Variants in PPEF1 observed in about 807,000 individuals in gnomAD.
PPEF1 encodes protein phosphatase with EF-hand domain 1, also known as serine/threonine-protein phosphatase with EF-hands 1.
PPEF1 carries 12 observed loss-of-function variants against 53.3 expected under a neutral mutation model. The observed-to-expected ratio is 0.23, with a 90% CI of 0.14 to 0.36. The LOEUF is 0.36. Among genes scored for constraint, PPEF1 ranks in the 10% least tolerant of loss-of-function variants. The pLI, the probability that PPEF1 is intolerant of heterozygous loss-of-function variation, is 1.00. For missense variants in PPEF1, 334 were observed against 490.4 expected, an observed-to-expected ratio of 0.68 and a Z score of 3.01; for synonymous variants, 165 against 176.7, an observed-to-expected ratio of 0.93 and a Z score of 0.52.
upstream of PPEF1, among the ~76,000 whole-genome samples, chrX:18,682,684 G>A (rs896705885): frequency 4.5e-5 from 5 of 111,957 alleles, no homozygotes; most frequent in East Asian, 1.4e-3. Context: ...GCAATGGAAA[G>A]AGTCCTAATG....
intron 12 of PPEF1, among the ~76,000 whole-genome samples, chrX:18,814,054 C>T (rs1240659110): frequency 1.8e-5 from 2 of 110,923 alleles, no homozygotes; most frequent in Admixed American, 1.9e-4. Context: ...TCCATGTGTA[C>T]CCAATGGTGA....
At chrX:18,755,841 T>G (rs113852759) in intron 4 of PPEF1, among the ~76,000 whole-genome samples, 1 of 111,480 alleles carries the variant, frequency 9.0e-6, no homozygotes, top group African/African-American at 3.3e-5. Context: ...TTGCTTGGCA[T>G]GTTTCCAGAG....
At chrX:18,773,803 A>C (rs1335169393) in intron 6 of PPEF1, among the ~76,000 whole-genome samples, 3 of 111,471 alleles carry the variant, frequency 2.7e-5, no homozygotes, top group African/African-American at 9.8e-5. Context: ...AACTGTTTAC[A>C]CACTCCATGT....
intron 12 of PPEF1, among the ~76,000 whole-genome samples, chrX:18,815,435 A>G (rs1173787349): frequency 1.8e-5 from 2 of 112,120 alleles, no homozygotes; most frequent in African/African-American, 3.2e-5. Context: ...TGTTTCATAG[A>G]ATTCACCAGT....
chrX:18,693,979 C>T (rs950769510), intron 4 of PPEF1, among the ~76,000 whole-genome samples: 13 of 111,734 alleles, frequency 1.2e-4, no homozygotes, highest in Non-Finnish European at 2.1e-4. Flanking sequence ...TCACTCCCCT[C>T]CCTCACCCAT....
chrX:18,821,479 C>T (rs1296474552), intron 13 of PPEF1, among the ~76,000 whole-genome samples: 3 of 110,857 alleles, frequency 2.7e-5, no homozygotes, highest in South Asian at 3.8e-4. Context: ...ACGATCTTGG[C>T]TCATTGCAAC....
intron 12 of PPEF1, among the ~76,000 whole-genome samples, chrX:18,809,263 T>C (rs562647217): frequency 3.3e-4 from 36 of 110,024 alleles, no homozygotes; most frequent in African/African-American, 1.2e-3. Flanking sequence ...TGCACATCCT[T>C]CCATATACTT....
intron 4 of PPEF1, among the ~76,000 whole-genome samples, chrX:18,755,568 C>G (rs760792191): frequency 9.0e-6 from 1 of 110,736 alleles, no homozygotes; most frequent in Non-Finnish European, 1.9e-5. Flanking sequence ...CTCCATCCCC[C>G]CCAGCCCCCA....
intron 3 of PPEF1, among the ~76,000 whole-genome samples, chrX:18,744,078 C>A (rs973480561): frequency 9.3e-6 from 1 of 107,907 alleles, no homozygotes; most frequent in African/African-American, 3.4e-5. Flanking sequence ...TTAGTAGATA[C>A]GGGGTTTCTT....
chrX:18,787,737 T>G (rs1602452658), intron 9 of PPEF1, among the ~76,000 whole-genome samples: 1 of 79,827 alleles, frequency 1.3e-5, no homozygotes, highest in African/African-American at 4.9e-5. Flanking sequence ...CTGGGTAACA[T>G]AGCAAGACCC....
chrX:18,738,545 G>A, intron 3 of PPEF1, among the ~76,000 whole-genome samples: 1 of 111,778 alleles, frequency 8.9e-6, no homozygotes, highest in Admixed American at 9.5e-5. Flanking sequence ...TTTCTCTCTG[G>A]CTGCCCTTAA....
chrX:18,758,715 G>T (rs2045599410), intron 5 of PPEF1, among the ~76,000 whole-genome samples: 1 of 110,934 alleles, frequency 9.0e-6, no homozygotes, highest in African/African-American at 3.3e-5. Context: ...GAGACTTCGG[G>T]TCATGAGGCT....
At chrX:18,768,474 A>G (rs1377749136) in intron 6 of PPEF1, among the ~76,000 whole-genome samples, 1 of 112,493 alleles carries the variant, frequency 8.9e-6, no homozygotes, top group Non-Finnish European at 1.9e-5. Flanking sequence ...GTTCTAATGT[A>G]GGGTCACTGA....
Position 18,788,793 on chromosome X carries a change from C to T in PPEF1, c.913-328C>T, listed in dbSNP as rs369588636. 1.2e-4 allele frequency among the ~76,000 whole-genome samples: 13 copies of T among 112,422 alleles called. No individual in the cohort carries two copies. In the East Asian group the frequency reaches 2.5e-3, roughly 22 times the overall value. On this transcript the variant is annotated intron_variant, in intron 9 of 15. Coordinates refer to ENST00000470157, the MANE Select transcript of PPEF1 (RefSeq NM_001377996.1). ...TAGATAAAGGCTCAATAAGGAGACT[C>T]GTTGCCCCTACCTTGGTATCTTCCA...
At chrX:18,778,716 C>T (rs2046019778) in intron 6 of PPEF1, among the ~76,000 whole-genome samples, 1 of 111,242 alleles carries the variant, frequency 9.0e-6, no homozygotes, top group Non-Finnish European at 1.9e-5. Flanking sequence ...TTTGATAGGA[C>T]AAATATCAGC....
chrX:18,687,319 C>A (rs187727547), intron 3 of PPEF1, among the ~76,000 whole-genome samples: 7 of 111,268 alleles, frequency 6.3e-5, no homozygotes, highest in African/African-American at 2.3e-4. Context: ...CAGTAATGAT[C>A]AGTGGCTGCT....
rs1305351644 is a variant in PPEF1, at chrX:18,749,917, A to G, written c.361A>G (p.Ile121Val). The change falls in exon 4 of 16, where the codon ATT becomes GTT. Residue 121 changes from isoleucine (I) to valine (V), a missense_variant. Ile to Val is a conservative substitution (Grantham distance 29). Coordinates refer to ENST00000470157, the MANE Select transcript of PPEF1 (RefSeq NM_001377996.1). ...ACAATTTCCTCTCACTTGTACGGAT[A>G]TTGATTTACTTCTTGAGGCCTTCAA... is the stretch of plus-strand genomic sequence containing the variant. Reference protein sequence around the residue: ...RLQFPLTCTDIDLLLEAFKEQ... With the variant: ...RLQFPLTCTDVDLLLEAFKEQ... 5.8e-6 allele frequency: 7 copies of G among 1,206,233 alleles called. No homozygotes were observed. The highest frequency in any genetic ancestry group is 6.7e-6 in the Non-Finnish European group (6 of 891,112).
chrX:18,758,470 A>G (rs2045593975), intron 5 of PPEF1, among the ~76,000 whole-genome samples: 2 of 112,089 alleles, frequency 1.8e-5, no homozygotes, highest in African/African-American at 6.5e-5. Flanking sequence ...TCTGGCAGGT[A>G]GAAGTGAATT....
chrX:18,739,977 A>G (rs1436541621), intron 3 of PPEF1, among the ~76,000 whole-genome samples: 1 of 112,386 alleles, frequency 8.9e-6, no homozygotes, highest in Non-Finnish European at 1.9e-5. Context: ...TGCTAAGACC[A>G]TTGGAAAAGT....
Sources: allele counts gnomAD v4.1 joint callset (sites outside exome capture counted in the v4.1 genomes callset), GRCh38; gene constraint gnomAD v4.1.1; transcripts MANE v1.5; gene names NCBI Gene and HGNC (gene_info 2026-07-23, HGNC 2026-07-21).